EDIL3: variants seen among roughly 807,000 people sequenced by gnomAD.
EDIL3 encodes EGF like and discoidin domains 3.
A neutral mutation model predicts 67.4 loss-of-function variants in EDIL3; 37 were observed. The ratio of observed to expected loss-of-function variants is 0.55; its 90% confidence interval spans 0.42 to 0.72. The LOEUF (loss-of-function observed/expected upper bound fraction) is 0.72, where lower values mean the gene tolerates loss of function less well. Among genes scored for constraint, EDIL3 ranks in the 30% least tolerant of loss-of-function variants. EDIL3 has a pLI of 0.00. For missense variants in EDIL3, 527 were observed against 586.3 expected (o/e 0.90, Z 1.04); for synonymous variants, 195 against 196.3 (o/e 0.99, Z 0.05).
intron 8 of EDIL3, among the ~76,000 whole-genome samples, chr5:84,061,854 T>A (rs1262962143): frequency 6.6e-6 from 1 of 152,146 alleles, no homozygotes; most frequent in East Asian, 1.9e-4. Context: ...ATTTAATTAT[T>A]GGGTACAGTT....
rs140121775 is a variant in EDIL3 at position 84,325,891 on chromosome 5, A to G, written c.67+58417T>C. On this transcript the variant is annotated intron_variant, in intron 1 of 10. Coordinates refer to ENST00000296591, the MANE Select transcript of EDIL3 (RefSeq NM_005711.5). ...AAGTGAAATAAGCTAGTCATAAAAA[A>G]TAGGTTACTGTATGATTCCACTTAG... is the stretch of plus-strand genomic sequence containing the variant. Among the ~76,000 whole-genome samples, 900 of 152,236 alleles carry G rather than the reference A, an allele frequency of 5.9e-3. 4 individuals are homozygous for G. The highest frequency in any genetic ancestry group is 0.024 in the Middle Eastern group (7 of 294).
intron 5 of EDIL3, among the ~76,000 whole-genome samples, chr5:84,123,974 T>C (rs1474980580): frequency 1.3e-5 from 2 of 151,994 alleles, no homozygotes; most frequent in African/African-American, 2.4e-5. Flanking sequence ...CTGTTCATTA[T>C]GTTTAAACAA....
intron 1 of EDIL3, among the ~76,000 whole-genome samples, chr5:84,282,874 A>G (rs897432450): frequency 6.6e-6 from 1 of 152,284 alleles, no homozygotes; most frequent in African/African-American, 2.4e-5. Context: ...TTAAGTATAT[A>G]ATATTAATAT....
intron 3 of EDIL3, among the ~76,000 whole-genome samples, chr5:84,203,949 G>A (rs952280079): frequency 2.0e-5 from 3 of 152,164 alleles, no homozygotes; most frequent in East Asian, 1.9e-4. Flanking sequence ...AGTGATCAAC[G>A]GTTCTTGCAG....
chr5:84,233,582 T>C (rs1253906814), intron 2 of EDIL3, among the ~76,000 whole-genome samples: 2 of 152,210 alleles, frequency 1.3e-5, no homozygotes, highest in African/African-American at 4.8e-5. Flanking sequence ...ACATCCCCTT[T>C]GGATTTAATA....
intron 1 of EDIL3, among the ~76,000 whole-genome samples, chr5:84,274,524 TTATG>T (rs771968337): frequency 6.6e-5 from 10 of 152,218 alleles, no homozygotes; most frequent in Non-Finnish European, 1.3e-4. Context: ...AAAAAATGCT[TTATG>T]TATTTCTTTC....
chr5:84,329,356 T>C (rs1222544457), intron 1 of EDIL3, among the ~76,000 whole-genome samples: 1 of 152,132 alleles, frequency 6.6e-6, no homozygotes, highest in Non-Finnish European at 1.5e-5. Context: ...CTGAGATTTT[T>C]TTCAAGATAA....
At chr5:84,214,245 G>A (rs182328135) in intron 3 of EDIL3, among the ~76,000 whole-genome samples, 51 of 152,208 alleles carry the variant, frequency 3.4e-4, no homozygotes, top group Non-Finnish European at 8.8e-5. Flanking sequence ...CAATGTAATG[G>A]ATTTTTTTCT....
intron 4 of EDIL3, among the ~76,000 whole-genome samples, chr5:84,137,942 A>C (rs1276727171): frequency 6.6e-6 from 1 of 152,340 alleles, no homozygotes; most frequent in South Asian, 2.1e-4. Flanking sequence ...AGTGAGGATG[A>C]CTAAAGGGAC....
chr5:84,331,779 AG>A (rs1746876997), intron 1 of EDIL3, among the ~76,000 whole-genome samples: 1 of 152,216 alleles, frequency 6.6e-6, no homozygotes, highest in African/African-American at 2.4e-5. Context: ...GATCAACTTT[AG>A]TACAGAGCCT....
intron 4 of EDIL3, among the ~76,000 whole-genome samples, chr5:84,158,119 G>T (rs1748527476): frequency 6.6e-6 from 1 of 152,010 alleles, no homozygotes; most frequent in South Asian, 2.1e-4. Context: ...AACCAGATGT[G>T]CCAAATGACT....
chr5:84,037,437 A>G (rs1422252972), intron 9 of EDIL3, among the ~76,000 whole-genome samples: 1 of 152,218 alleles, frequency 6.6e-6, no homozygotes, highest in African/African-American at 2.4e-5. Context: ...AAAAGTAGGT[A>G]AACTGTTTTC....
Position 84,213,672 on chromosome 5 carries a change from A to T in EDIL3, c.226+16183T>A, listed in dbSNP as rs1580380353. 2.0e-5 allele frequency among the ~76,000 whole-genome samples: 3 copies of T among 152,224 alleles called. No homozygotes were observed. The South Asian group carries it at 6.2e-4, about 31-fold the overall frequency. Reference sequence around the variant, plus strand: ...AAAAACAGGTGAGTAGATATGAAACATATCTAAATCTTGTTGAATTCTAGC... The same window carrying T: ...AAAAACAGGTGAGTAGATATGAAACTTATCTAAATCTTGTTGAATTCTAGC... On this transcript the variant is annotated intron_variant, in intron 3 of 10. Transcript: ENST00000296591.
At chr5:84,374,863 C>T (rs1382637072) in intron 1 of EDIL3, among the ~76,000 whole-genome samples, 2 of 152,152 alleles carry the variant, frequency 1.3e-5, no homozygotes, top group Non-Finnish European at 2.9e-5. Context: ...TCCCCTTCGG[C>T]TTCCACCATG....
At chr5:84,147,045 G>A (rs1449501103) in intron 4 of EDIL3, among the ~76,000 whole-genome samples, 3 of 151,952 alleles carry the variant, frequency 2.0e-5, no homozygotes, top group Admixed American at 2.0e-4. Flanking sequence ...CCACATAAAG[G>A]TGACAGATCC....
chr5:83,952,085 C>G (rs1429941323), intron 10 of EDIL3, among the ~76,000 whole-genome samples: 1 of 151,770 alleles, frequency 6.6e-6, no homozygotes, highest in Non-Finnish European at 1.5e-5. Flanking sequence ...CTTTAAGTAG[C>G]TGGAGAGCTG....
At chr5:84,208,804 G>C (rs1252977967) in intron 3 of EDIL3, among the ~76,000 whole-genome samples, 2 of 151,456 alleles carry the variant, frequency 1.3e-5, no homozygotes, top group African/African-American at 2.4e-5. Flanking sequence ...AACCATTGTG[G>C]AAGTCAGTGT....
intron 1 of EDIL3, among the ~76,000 whole-genome samples, chr5:84,307,841 A>G (rs1746303435): frequency 6.6e-6 from 1 of 152,180 alleles, no homozygotes; most frequent in Non-Finnish European, 1.5e-5. Context: ...AAAATTGAGA[A>G]GAATATGAAT....
At chr5:84,139,340 A>G (rs1366582040) in intron 4 of EDIL3, among the ~76,000 whole-genome samples, 1 of 136,964 alleles carries the variant, frequency 7.3e-6, no homozygotes, top group Admixed American at 7.4e-5. Flanking sequence ...GGAGGGAAGG[A>G]GGGAGGGAGG....
Sources: gnomAD v4.1 joint callset for allele counts (sites outside exome capture counted in the v4.1 genomes callset) on GRCh38, gnomAD v4.1.1 for gene constraint, MANE v1.5 for transcripts, NCBI Gene and HGNC (gene_info 2026-07-23, HGNC 2026-07-21) for gene names.